Variants in WDR49 observed in about 807,000 individuals in gnomAD.
The protein encoded by WDR49 is cilia- and flagella-associated protein 337.
In WDR49, 107 loss-of-function variants were observed where a neutral mutation model predicts 119.5. That is an observed-to-expected ratio of 0.90 (90% CI 0.77 to 1.05). WDR49 has a LOEUF of 1.05. Ranked by LOEUF, WDR49 falls within the 50% of genes least tolerant of loss-of-function variation. WDR49 has a pLI of 0.00. For missense variants in WDR49, 1,240 were observed against 1,220.5 expected (o/e 1.02, Z -0.24); for synonymous variants, 425 against 418.8 (o/e 1.01, Z -0.18).
chr3:167,573,391 TACACACACAC>T (rs57955643), intron 8 of WDR49, among the ~76,000 whole-genome samples: 2,243 of 142,356 alleles, frequency 0.016, 62 homozygotes, highest in African/African-American at 0.054. Flanking sequence ...TTATGTGGAA[TACACACACAC>T]ACACACACAC....
At chr3:167,529,368 C>A (rs1752761935) in intron 13 of WDR49, 129 bp from the exon 14 acceptor site, 1 of 740,118 alleles carries the variant, frequency 1.4e-6, no homozygotes, top group Non-Finnish European at 2.1e-6. Flanking sequence ...CAATTCCCAG[C>A]ACCACTTTAA....
intron 5 of WDR49, among the ~76,000 whole-genome samples, chr3:167,611,068 G>T (rs1358725243): frequency 6.6e-6 from 1 of 152,190 alleles, no homozygotes; most frequent in African/African-American, 2.4e-5. Context: ...TAACTGTGCT[G>T]TGTAAACTAC....
Position 167,576,158 on chromosome 3 carries a change from G to A in WDR49, c.1276-7C>T. ...TATCCCAGAGTCTCAAAACCTGGAT[G>A]AAAAGTGATAAAATCATTTCAATAT... On this transcript the variant is annotated splice_polypyrimidine_tract_variant and splice_region_variant and intron_variant, in intron 7 of 18. Coordinates refer to ENST00000682715, the MANE Select transcript of WDR49 (RefSeq NM_001366157.1). 2 of 1,609,078 alleles carry A rather than the reference G, an allele frequency of 1.2e-6. No homozygotes were observed. The highest frequency in any genetic ancestry group is 1.3e-5 in the African/African-American group (1 of 74,898).
At chr3:167,539,792 C>A (rs1711673652) in intron 10 of WDR49, among the ~76,000 whole-genome samples, 1 of 152,158 alleles carries the variant, frequency 6.6e-6, no homozygotes, top group African/African-American at 2.4e-5. Context: ...ATAACACTTA[C>A]TACTGTATGA....
intron 9 of WDR49, among the ~76,000 whole-genome samples, chr3:167,559,816 A>G (rs561225774): frequency 6.6e-6 from 1 of 152,316 alleles, no homozygotes; most frequent in East Asian, 1.9e-4. Context: ...GCTTTCTGAA[A>G]TGAGTAAGCC....
At chr3:167,505,466 A>T (rs1475253391) in intron 16 of WDR49, 50 bp from the exon 17 acceptor site, 4 of 1,452,618 alleles carry the variant, frequency 2.8e-6, no homozygotes, top group Admixed American at 2.8e-5. Context: ...ACAGGGATGG[A>T]GAAACTCTTT....
In WDR49 at chr3:167,507,608, CT is replaced by C. The variant is rs570210093; in HGVS notation, c.2775-2193del. Reference sequence around the variant, plus strand: ...CCCTTTAGAGTAGTTAACAATATATCTTGATTTTTTTTTCCAAAACACTCTA... The same window carrying C: ...CCCTTTAGAGTAGTTAACAATATATCTGATTTTTTTTTCCAAAACACTCTA... On this transcript the variant is annotated intron_variant, in intron 16 of 18. Coordinates refer to ENST00000682715, the MANE Select transcript of WDR49 (RefSeq NM_001366157.1). Among the ~76,000 whole-genome samples the C allele has an allele frequency of 8.1e-4, 123 of 152,284 alleles. 1 individual carries two copies. Among genetic ancestry groups the C allele is most frequent in the African/African-American group, 2.9e-3 (121 of 41,560 alleles).
chr3:167,581,162 T>A (rs1014566281), intron 7 of WDR49, among the ~76,000 whole-genome samples: 3 of 152,194 alleles, frequency 2.0e-5, no homozygotes, highest in Admixed American at 2.0e-4. Flanking sequence ...AATTTTGCCA[T>A]AATTAGTAAT....
intron 7 of WDR49, among the ~76,000 whole-genome samples, chr3:167,584,190 A>T (rs146681895): frequency 1.5e-4 from 23 of 152,312 alleles, no homozygotes; most frequent in Admixed American, 1.0e-3. Flanking sequence ...CCTCCTCTCC[A>T]TTAGAAACAA....
At chr3:167,638,945 G>A (rs985757420) in intron 2 of WDR49, among the ~76,000 whole-genome samples, 2 of 151,426 alleles carry the variant, frequency 1.3e-5, no homozygotes, top group African/African-American at 4.8e-5. Context: ...GCTGAAGTGG[G>A]CAAAAAATCA....
intron 7 of WDR49, among the ~76,000 whole-genome samples, chr3:167,577,864 A>G (rs1314856180): frequency 6.6e-6 from 1 of 152,074 alleles, no homozygotes; most frequent in Non-Finnish European, 1.5e-5. Flanking sequence ...TGGGAAAAAA[A>G]TCTATTGAAA....
At chr3:167,585,964 T>C (rs1038936590) in intron 7 of WDR49, among the ~76,000 whole-genome samples, 1 of 152,134 alleles carries the variant, frequency 6.6e-6, no homozygotes. Flanking sequence ...GTACTTTAAA[T>C]GAAAATCCTT....
At chr3:167,592,339 C>T (rs1048611652) in intron 7 of WDR49, among the ~76,000 whole-genome samples, 3 of 151,900 alleles carry the variant, frequency 2.0e-5, no homozygotes, top group African/African-American at 7.3e-5. Flanking sequence ...ATAACAATAG[C>T]TTACACAGCA....
chr3:167,576,335 C>T (rs998395744), intron 7 of WDR49, among the ~76,000 whole-genome samples, 184 bp from the exon 8 acceptor site: 2 of 152,084 alleles, frequency 1.3e-5, no homozygotes, highest in Non-Finnish European at 2.9e-5. Context: ...TTAAATATCT[C>T]CTAAATTGTA....
Position 167,550,758 on chromosome 3 carries a change from A to C in WDR49, c.1823+3892T>G, listed in dbSNP as rs1321869561. ...AGAGAAAATTAAAATCAGGGGAACT[A>C]GGAGGTTTTTTTTTTTTTTTGAGAG... is the stretch of plus-strand genomic sequence containing the variant. On this transcript the variant is annotated intron_variant, in intron 10 of 18. Coordinates refer to ENST00000682715, the MANE Select transcript of WDR49 (RefSeq NM_001366157.1). 2.7e-5 allele frequency among the ~76,000 whole-genome samples: 4 copies of C among 147,762 alleles called. No individual in the cohort carries two copies. The East Asian group carries it at 6.0e-4, about 22-fold the overall frequency.
At chr3:167,587,292 A>G (rs1714868509) in intron 7 of WDR49, among the ~76,000 whole-genome samples, 1 of 152,164 alleles carries the variant, frequency 6.6e-6, no homozygotes, top group Non-Finnish European at 1.5e-5. Flanking sequence ...GTGCTAAAAG[A>G]TCTCAAAAAG....
intron 5 of WDR49, among the ~76,000 whole-genome samples, chr3:167,615,949 T>C (rs1012497918): frequency 1.3e-5 from 2 of 152,234 alleles, no homozygotes; most frequent in Non-Finnish European, 2.9e-5. Context: ...TGTTACTGAC[T>C]GCTGCTTAGT....
At chr3:167,526,264 T>C (rs1322145405) in intron 15 of WDR49, among the ~76,000 whole-genome samples, 3 of 152,164 alleles carry the variant, frequency 2.0e-5, no homozygotes, top group African/African-American at 7.2e-5. Flanking sequence ...AGCACACATT[T>C]CTGAATTAAA....
chr3:167,561,550 C>T (rs1239946123), intron 8 of WDR49, among the ~76,000 whole-genome samples: 1 of 152,126 alleles, frequency 6.6e-6, no homozygotes, highest in Non-Finnish European at 1.5e-5. Context: ...CCTTTGGGTA[C>T]TGTGGAAGTA....
Sources: allele counts gnomAD v4.1 joint callset (sites outside exome capture counted in the v4.1 genomes callset), GRCh38; gene constraint gnomAD v4.1.1; transcripts MANE v1.5; gene names NCBI Gene and HGNC (gene_info 2026-07-23, HGNC 2026-07-21).